The following TBC1D22A variants were observed in gnomAD, a reference collection of about 807,000 sequenced individuals.
TBC1D22A encodes putative GTPase activator.
Under a neutral mutation model 60.2 loss-of-function variants are expected in TBC1D22A, and 38 were observed. The ratio of observed to expected loss-of-function variants is 0.63; its 90% CI spans 0.49 to 0.83. The LOEUF is 0.83. Among genes scored for constraint, TBC1D22A ranks in the 40% least tolerant of loss-of-function variants. TBC1D22A has a pLI of 0.00. For missense variants in TBC1D22A, 628 were observed against 701.0 expected, an observed-to-expected ratio of 0.90 and a Z score of 1.18; for synonymous variants, 302 against 281.7, an observed-to-expected ratio of 1.07 and a Z score of -0.72.
chr22:46,876,879 TG>T (rs1456371910), intron 4 of TBC1D22A, among the ~76,000 whole-genome samples: 1 of 152,234 alleles, frequency 6.6e-6, no homozygotes, highest in Non-Finnish European at 1.5e-5. Context: ...CAAACACCTA[TG>T]AGGATGGTCA....
At chr22:47,157,637 T>C (rs6007612) in intron 12 of TBC1D22A, among the ~76,000 whole-genome samples, 31,397 of 152,230 alleles carry the variant, frequency 0.21, 4,342 homozygotes, top group African/African-American at 0.4. Context: ...GTGAGCTCCG[T>C]GTGGCCGTGC....
At chr22:47,088,155 A>G (rs2064777742) in intron 11 of TBC1D22A, among the ~76,000 whole-genome samples, 1 of 152,108 alleles carries the variant, frequency 6.6e-6, no homozygotes, top group Admixed American at 6.6e-5. Context: ...TGAAAAAATA[A>G]CCTCTTATCT....
intron 8 of TBC1D22A, chr22:46,915,584 C>T (rs1227597996): frequency 2.2e-6 from 1 of 456,688 alleles, no homozygotes; most frequent in Non-Finnish European, 4.4e-6. Flanking sequence ...TGTGTTGTTA[C>T]TTGGATATTC....
intron 8 of TBC1D22A, among the ~76,000 whole-genome samples, chr22:46,958,574 C>G (rs1427006736): frequency 6.6e-6 from 1 of 152,236 alleles, no homozygotes; most frequent in Non-Finnish European, 1.5e-5. Context: ...CCCATCTTCA[C>G]TCAGCCAGCC....
intron 3 of TBC1D22A, among the ~76,000 whole-genome samples, chr22:46,794,226 A>T (rs2084551856): frequency 6.6e-6 from 1 of 152,158 alleles, no homozygotes; most frequent in Non-Finnish European, 1.5e-5. Flanking sequence ...TGATGGTTCC[A>T]TGGGTGACAT....
intron 11 of TBC1D22A, among the ~76,000 whole-genome samples, chr22:47,076,380 TACACACACACACACACACACACACAC>T (rs1183466938): frequency 7.2e-5 from 9 of 124,420 alleles, no homozygotes; most frequent in East Asian, 6.0e-4. Flanking sequence ...TATATATATA[TACACACACACACACACACACACACAC>T]ACATATATAT....
chr22:47,041,938 A>G (rs2062858745), intron 11 of TBC1D22A, among the ~76,000 whole-genome samples: 1 of 152,174 alleles, frequency 6.6e-6, no homozygotes, highest in Non-Finnish European at 1.5e-5. Context: ...GCCCTAACCT[A>G]TAGCAAGTGC....
intron 7 of TBC1D22A, among the ~76,000 whole-genome samples, chr22:46,899,009 G>A (rs1186591429): frequency 6.6e-6 from 1 of 152,214 alleles, no homozygotes; most frequent in African/African-American, 2.4e-5. Flanking sequence ...GCTTGGCAGA[G>A]TGGATCAACT....
chr22:47,145,180 C>T (rs967050346), intron 12 of TBC1D22A, among the ~76,000 whole-genome samples: 1 of 152,228 alleles, frequency 6.6e-6, no homozygotes, highest in Admixed American at 6.5e-5. Context: ...AGACCTAGCC[C>T]TGGATCCCCA....
At chr22:46,887,755 G>A (rs1037511060) in intron 5 of TBC1D22A, among the ~76,000 whole-genome samples, 1 of 152,170 alleles carries the variant, frequency 6.6e-6, no homozygotes, top group African/African-American at 2.4e-5. Flanking sequence ...TGACGGATGT[G>A]TTCAGTTTGT....
chr22:46,891,649 C>G (rs2068414769), intron 6 of TBC1D22A, among the ~76,000 whole-genome samples: 1 of 152,148 alleles, frequency 6.6e-6, no homozygotes, highest in Non-Finnish European at 1.5e-5. Context: ...ATTGAGGTTA[C>G]AAAATAAATG....
intron 11 of TBC1D22A, among the ~76,000 whole-genome samples, chr22:47,096,275 G>A (rs1452172129): frequency 6.6e-6 from 1 of 152,016 alleles, no homozygotes; most frequent in Non-Finnish European, 1.5e-5. Flanking sequence ...CATCTTTTTA[G>A]TTCTTGCCCA....
intron 10 of TBC1D22A, among the ~76,000 whole-genome samples, chr22:47,015,447 C>T (rs2061877513): frequency 1.3e-5 from 2 of 152,242 alleles, no homozygotes; most frequent in Non-Finnish European, 2.9e-5. Flanking sequence ...CCGTTTTACA[C>T]TTGGCGCCTC....
At chr22:46,914,693 T>C (rs41279825) in intron 8 of TBC1D22A, 15,159 of 152,642 alleles carry the variant, frequency 0.099, 1,555 homozygotes, top group African/African-American at 0.26. Context: ...AGCGCTGCGG[T>C]GGGGAGATGA....
At chr22:47,151,737 G>T (rs575730820) in intron 12 of TBC1D22A, among the ~76,000 whole-genome samples, 1 of 152,230 alleles carries the variant, frequency 6.6e-6, no homozygotes, top group Non-Finnish European at 1.5e-5. Context: ...TCTCCTGGAA[G>T]CCCTGCGTCT....
At chr22:47,159,180 C>T (rs904318945) in intron 12 of TBC1D22A, among the ~76,000 whole-genome samples, 1 of 151,122 alleles carries the variant, frequency 6.6e-6, no homozygotes, top group African/African-American at 2.4e-5. Context: ...ATACTACACA[C>T]ACAACACACA....
At chr22:46,982,528 C>T (rs1037238441) in intron 9 of TBC1D22A, among the ~76,000 whole-genome samples, 32 of 152,082 alleles carry the variant, frequency 2.1e-4, no homozygotes, top group African/African-American at 7.7e-4. Flanking sequence ...GGCCAAGAGA[C>T]AGTCTTTTTA....
At chr22:47,131,822 C>T (rs746841290) in intron 12 of TBC1D22A, among the ~76,000 whole-genome samples, 78 of 152,350 alleles carry the variant, frequency 5.1e-4, no homozygotes, top group Admixed American at 9.8e-4. Context: ...AGCGATCCCA[C>T]ATGGGAGCCA....
chr22:47,124,928 G>A (rs2066402629), intron 12 of TBC1D22A, among the ~76,000 whole-genome samples: 1 of 152,146 alleles, frequency 6.6e-6, no homozygotes, highest in African/African-American at 2.4e-5. Flanking sequence ...GCAGAGATTG[G>A]GCCAGGCGGG....
Sources: allele counts gnomAD v4.1 joint callset (sites outside exome capture counted in the v4.1 genomes callset), GRCh38; gene constraint gnomAD v4.1.1; transcripts MANE v1.5; gene names NCBI Gene and HGNC (gene_info 2026-07-23, HGNC 2026-07-21).